The following RASEF variants were observed in gnomAD, a reference collection of about 807,000 sequenced individuals.
RASEF encodes the protein RAS and EF-hand domain containing, also known as ras and EF-hand domain-containing protein.
In RASEF, 68 loss-of-function variants were observed where a neutral mutation model predicts 90.1. That is an observed-to-expected ratio of 0.75 (90% CI 0.62 to 0.92). The LOEUF is 0.92. Ranked by LOEUF, RASEF falls within the 40% of genes least tolerant of loss-of-function variation. RASEF has a pLI of 0.00. For synonymous variants in RASEF, 331 were observed against 345.2 expected (o/e 0.96, Z 0.46); for missense variants, 949 against 937.2 (o/e 1.01, Z -0.16).
At chr9:82,999,769 A>G (rs989283333) in intron 12 of RASEF, among the ~76,000 whole-genome samples, 5 of 151,584 alleles carry the variant, frequency 3.3e-5, no homozygotes, top group Non-Finnish European at 7.4e-5. Context: ...ATGCCCAACT[A>G]ATTTTTGTAT....
the RASEF span, chr9:83,201,296 G>GAAT: frequency 3.3e-5 from 5 of 152,362 alleles, no homozygotes; most frequent in Middle Eastern, 3.4e-3. Context: ...AGGTGCTGGA[G>GAAT]AATGACAAGC....
intron 1 of RASEF, among the ~76,000 whole-genome samples, chr9:83,039,620 G>A (rs1003094175): frequency 2.0e-5 from 3 of 152,184 alleles, no homozygotes; most frequent in African/African-American, 4.8e-5. Context: ...GCTGAACACA[G>A]TGAGAAAGTA....
At chr9:83,137,527 C>A in the RASEF span, among the ~76,000 whole-genome samples, 1 of 151,930 alleles carries the variant, frequency 6.6e-6, no homozygotes, top group Non-Finnish European at 1.5e-5. Context: ...AGAGAAAGAG[C>A]TAAAGGCAGC....
chr9:83,160,037 A>T, the RASEF span, among the ~76,000 whole-genome samples: 257 of 152,372 alleles, frequency 1.7e-3, 2 homozygotes, highest in African/African-American at 5.0e-3. Flanking sequence ...GTGGAACTGT[A>T]AGTCCAATAA....
At chr9:83,147,581 A>G in the RASEF span, among the ~76,000 whole-genome samples, 1 of 152,068 alleles carries the variant, frequency 6.6e-6, no homozygotes, top group Non-Finnish European at 1.5e-5. Context: ...CTCTGGCCCC[A>G]TGGTAGTGTC....
the RASEF span, among the ~76,000 whole-genome samples, chr9:83,144,391 G>GAAAAGAAAGAAAGAAAGAAAGAAAGAAA: frequency 1.2e-4 from 4 of 33,220 alleles, no homozygotes; most frequent in African/African-American, 3.1e-4. Context: ...AAGAAAGAAA[G>GAAAAGAAAGAAAGAAAGAAAGAAAGAAA]GAAAGAAAGA....
chr9:82,994,555 C>T (rs1448529172), intron 14 of RASEF, among the ~76,000 whole-genome samples: 1 of 152,160 alleles, frequency 6.6e-6, no homozygotes, highest in Non-Finnish European at 1.5e-5. Flanking sequence ...TCTGTCTCCC[C>T]CACTGGAACA....
the RASEF span, among the ~76,000 whole-genome samples, chr9:83,159,456 T>C: frequency 6.6e-6 from 1 of 152,148 alleles, no homozygotes; most frequent in Admixed American, 6.5e-5. Flanking sequence ...AAAGCTCCAA[T>C]TATAAAAACA....
At chr9:83,196,688 T>G in the RASEF span, among the ~76,000 whole-genome samples, 1 of 152,242 alleles carries the variant, frequency 6.6e-6, no homozygotes, top group African/African-American at 2.4e-5. Flanking sequence ...AAAGCAGCTA[T>G]TTTAATCTCT....
At chr9:83,000,370 T>A in intron 11 of RASEF, 54 bp from the exon 12 acceptor site, 1 of 1,611,086 alleles carries the variant, frequency 6.2e-7, no homozygotes, top group South Asian at 1.1e-5. Flanking sequence ...TTCATCCTAA[T>A]AAGTAACACT....
At chr9:83,028,818 G>C (rs112445382) in intron 1 of RASEF, among the ~76,000 whole-genome samples, 2 of 152,108 alleles carry the variant, frequency 1.3e-5, no homozygotes, top group East Asian at 3.9e-4. Flanking sequence ...TTGGAAATGG[G>C]TCTTTAAAGA....
chr9:83,154,804 A>G, the RASEF span, among the ~76,000 whole-genome samples: 1 of 152,340 alleles, frequency 6.6e-6, no homozygotes, highest in Admixed American at 6.5e-5. Context: ...TTGCATTAAT[A>G]AAGTGTTCTC....
the RASEF span, among the ~76,000 whole-genome samples, chr9:83,132,923 T>G: frequency 6.6e-6 from 1 of 152,222 alleles, no homozygotes; most frequent in Non-Finnish European, 1.5e-5. Context: ...GTAACTCCTG[T>G]GTGTGACATA....
At chr9:83,164,533 C>A in the RASEF span, among the ~76,000 whole-genome samples, 1 of 147,274 alleles carries the variant, frequency 6.8e-6, no homozygotes, top group African/African-American at 2.5e-5. Flanking sequence ...ATGTCTAGAG[C>A]AACTAATTTT....
At chr9:83,136,206 T>A in the RASEF span, among the ~76,000 whole-genome samples, 1 of 152,124 alleles carries the variant, frequency 6.6e-6, no homozygotes, top group Non-Finnish European at 1.5e-5. Context: ...TAGAATTCTT[T>A]ATAGTTACAA....
chr9:83,042,737 G>GA (rs150073455), intron 1 of RASEF, among the ~76,000 whole-genome samples: 4,444 of 150,204 alleles, frequency 0.03, 193 homozygotes, highest in African/African-American at 0.1. Flanking sequence ...TGGAAAGTCA[G>GA]AAAAAAAAAG....
chr9:83,000,840 G>A, intron 10 of RASEF, 56 bp downstream of exon 10: 2 of 1,405,818 alleles, frequency 1.4e-6, no homozygotes, highest in Non-Finnish European at 2.0e-6. Flanking sequence ...GGCAAATAAG[G>A]TGACAGATTT....
At chr9:83,000,790 C>A in intron 10 of RASEF, 106 bp downstream of exon 10, 1 of 1,048,336 alleles carries the variant, frequency 9.5e-7, no homozygotes, top group Non-Finnish European at 1.4e-6. Flanking sequence ...CTATGCTTTA[C>A]ATCTATGACC....
chr9:83,113,914 C>G, the RASEF span, among the ~76,000 whole-genome samples: 1 of 152,128 alleles, frequency 6.6e-6, no homozygotes, highest in Non-Finnish European at 1.5e-5. Context: ...TTACCTACTC[C>G]CTGTTTGTAC....
Sources: gnomAD v4.1 joint callset for allele counts (sites outside exome capture counted in the v4.1 genomes callset) on GRCh38, gnomAD v4.1.1 for gene constraint, MANE v1.5 for transcripts, NCBI Gene and HGNC (gene_info 2026-07-23, HGNC 2026-07-21) for gene names.